MIER1: variants seen among roughly 807,000 people sequenced by gnomAD.
MIER1 encodes MIER1 transcriptional regulator, also known as mesoderm induction early response protein 1.
Under a neutral mutation model 75.7 loss-of-function variants are expected in MIER1, and 40 were observed. The ratio of observed to expected loss-of-function variants is 0.53; its 90% CI spans 0.41 to 0.69. The LOEUF (loss-of-function observed/expected upper bound fraction) is 0.69, where lower values mean the gene tolerates loss of function less well. MIER1 is among the 30% of genes least tolerant of loss of function. The probability of loss-of-function intolerance (pLI) is 0.00; values close to 1 mark genes in which losing one functional copy is unlikely to be tolerated. For missense variants in MIER1, 574 were observed against 680.2 expected, an observed-to-expected ratio of 0.84 and a Z score of 1.74; for synonymous variants, 213 against 223.4, an observed-to-expected ratio of 0.95 and a Z score of 0.42.
chr1:66,955,502 ATTTG>A (rs1659942764), intron 4 of MIER1, among the ~76,000 whole-genome samples: 1 of 152,008 alleles, frequency 6.6e-6, no homozygotes, highest in African/African-American at 2.4e-5. Flanking sequence ...GCCTGAGGGC[ATTTG>A]TTTGGTTGCT....
chr1:66,925,414 C>A, intron 1 of MIER1: 1 of 985,470 alleles, frequency 1.0e-6, no homozygotes, highest in Non-Finnish European at 1.2e-6. Flanking sequence ...GCTTCGGTCC[C>A]TGATCCCAGT....
chr1:66,925,226 A>C, intron 1 of MIER1, 131 bp downstream of exon 1: 1 of 1,361,146 alleles, frequency 7.3e-7, no homozygotes, highest in Non-Finnish European at 9.4e-7. Flanking sequence ...AAGACCCTTA[A>C]CTTCCGGGGA....
rs1361427513 is a variant in MIER1 at position 66,986,094 on chromosome 1, A to G, written c.*1194A>G. On this transcript the variant is annotated 3_prime_UTR_variant, in exon 14 of 14. Coordinates refer to ENST00000401041, the MANE Select transcript of MIER1 (RefSeq NM_001077700.3). ...TGATACTTAGATATTGGCACACACAAGGAACAACTGTTGGCAGGCAGTATC... is the reference window on the plus strand; with the variant it reads ...TGATACTTAGATATTGGCACACACAGGGAACAACTGTTGGCAGGCAGTATC... 2 of 1,072,338 alleles carry G rather than the reference A, an allele frequency of 1.9e-6. No individual in the cohort carries two copies. Among genetic ancestry groups the G allele is most frequent in the South Asian group, 3.3e-5 (1 of 29,852 alleles). The allele number at this position is 1,072,338 out of a possible 1,614,324, so 66.4% of individuals were successfully genotyped here. A position where few individuals can be genotyped will look rare whatever the true frequency, so the allele number is the denominator to read the frequency against.
At chr1:66,933,748 G>A (rs547156113) in intron 2 of MIER1, among the ~76,000 whole-genome samples, 2 of 152,232 alleles carry the variant, frequency 1.3e-5, no homozygotes, top group South Asian at 4.1e-4. Context: ...GTGCGTGAGA[G>A]TCCTAAAAAT....
intron 1 of MIER1, chr1:66,925,387 T>G: frequency 1.0e-6 from 1 of 985,414 alleles, no homozygotes; most frequent in Non-Finnish European, 1.2e-6. Flanking sequence ...GCGGAGTGAG[T>G]TCGCCTCGCC....
intron 8 of MIER1, among the ~76,000 whole-genome samples, chr1:66,970,520 A>G (rs146049691): frequency 6.6e-6 from 1 of 152,330 alleles, no homozygotes; most frequent in East Asian, 1.9e-4. Flanking sequence ...CATACATGTA[A>G]TAAGTGGTAG....
At chr1:66,957,741 T>C (rs1660457621) in intron 4 of MIER1, among the ~76,000 whole-genome samples, 1 of 152,106 alleles carries the variant, frequency 6.6e-6, no homozygotes, top group Non-Finnish European at 1.5e-5. Context: ...CATCCATGCA[T>C]AGCGTTAACT....
chr1:66,967,900 TC>T (rs1662755069), intron 8 of MIER1, among the ~76,000 whole-genome samples: 1 of 152,124 alleles, frequency 6.6e-6, no homozygotes, highest in Non-Finnish European at 1.5e-5. Flanking sequence ...TTTTGTGGCG[TC>T]TTTAGGTTTT....
rs769156734 is a variant in MIER1, at chr1:66,959,683, T to C, written c.639T>C (p.Ser213=). Residue 213 remains serine (S), a synonymous_variant, in exon 7 of 14, where the codon AGT becomes AGC. Transcript: ENST00000401041. The stretch of plus-strand genomic sequence containing the variant: ...TTGGTGTCTTATTTATTCTAGATAG[T>C]GAAGTAGAAGAAGAATCTGAAGAAG... ...PRRCKYFDTN[S]EVEEESEEDE... 2.2e-6 allele frequency: 3 copies of C among 1,374,438 alleles called. No individual in the cohort carries two copies. The highest frequency in any genetic ancestry group is 2.0e-6 in the Non-Finnish European group (2 of 1,013,788). 85.1% of individuals were successfully genotyped at this position (1,374,438 alleles called of 1,614,324 possible).
chr1:66,931,234 T>C (rs752316259), intron 2 of MIER1, among the ~76,000 whole-genome samples: 9 of 151,856 alleles, frequency 5.9e-5, no homozygotes, highest in Non-Finnish European at 1.0e-4. Context: ...GGCATACAAC[T>C]GCTGTTGATT....
At chr1:66,957,587 GTT>G (rs770503779) in intron 4 of MIER1, among the ~76,000 whole-genome samples, 62 of 99,246 alleles carry the variant, frequency 6.2e-4, no homozygotes, top group Admixed American at 2.6e-3. Flanking sequence ...GTTTGTTTGT[GTT>G]TTTTTTTTTT....
chr1:66,965,498 T>C (rs1414950727), intron 8 of MIER1, among the ~76,000 whole-genome samples: 5 of 152,120 alleles, frequency 3.3e-5, no homozygotes. Context: ...GATCACATTC[T>C]CTTATTTATG....
chr1:66,981,438 T>C (rs1665856792), intron 12 of MIER1, among the ~76,000 whole-genome samples: 1 of 152,210 alleles, frequency 6.6e-6, no homozygotes, highest in Non-Finnish European at 1.5e-5. Flanking sequence ...GAAATTCTTT[T>C]GTACTTTTAC....
intron 8 of MIER1, among the ~76,000 whole-genome samples, chr1:66,967,420 A>C (rs1662646876): frequency 6.6e-6 from 1 of 152,174 alleles, no homozygotes; most frequent in Non-Finnish European, 1.5e-5. Flanking sequence ...ATTTGAAGTT[A>C]GGTAATGTGA....
chr1:66,975,219 C>A (rs1007203312), intron 11 of MIER1, among the ~76,000 whole-genome samples: 1 of 152,128 alleles, frequency 6.6e-6, no homozygotes, highest in African/African-American at 2.4e-5. Context: ...CATACAGACA[C>A]TGGATTTCCT....
chr1:66,971,805 A>C (rs1663657043), intron 10 of MIER1, 69 bp downstream of exon 10: 1 of 779,728 alleles, frequency 1.3e-6, no homozygotes, highest in African/African-American at 1.8e-5. Context: ...CAGTTTACCT[A>C]GGTATAGCCT....
At chr1:66,929,068 T>C in intron 2 of MIER1, 1 of 757,794 alleles carries the variant, frequency 1.3e-6, no homozygotes, top group Non-Finnish European at 2.2e-6. Flanking sequence ...ATTGAATCTT[T>C]GGAAATAGGA....
chr1:66,930,505 C>A (rs1401831065), intron 2 of MIER1: 17 of 1,198,776 alleles, frequency 1.4e-5, no homozygotes, highest in Non-Finnish European at 1.9e-5. Flanking sequence ...GCCCTGCTGG[C>A]GCCGCTGCCC....
At chr1:66,950,147 TG>T (rs1427166594) in intron 4 of MIER1, among the ~76,000 whole-genome samples, 1 of 152,208 alleles carries the variant, frequency 6.6e-6, no homozygotes, top group Non-Finnish European at 1.5e-5. Flanking sequence ...CTCACTCTGT[TG>T]CCCAGGCTGG....
Sources: gnomAD v4.1 joint callset for allele counts (sites outside exome capture counted in the v4.1 genomes callset) on GRCh38, gnomAD v4.1.1 for gene constraint, MANE v1.5 for transcripts, NCBI Gene and HGNC (gene_info 2026-07-23, HGNC 2026-07-21) for gene names.